IGFLR1: variants seen among roughly 807,000 people sequenced by gnomAD.
The protein encoded by IGFLR1 is IGF-like family receptor 1.
IGFLR1 carries 17 observed loss-of-function variants against 23.4 expected under a neutral mutation model. The observed-to-expected ratio is 0.73, with a 90% confidence interval of 0.50 to 1.09. The LOEUF (loss-of-function observed/expected upper bound fraction) is 1.09. Among genes scored for constraint, IGFLR1 ranks in the 50% least tolerant of loss-of-function variants. The pLI, the probability that IGFLR1 is intolerant of heterozygous loss-of-function variation, is 0.00. For synonymous variants in IGFLR1, 265 were observed against 210.7 expected (o/e 1.26, Z -2.23); for missense variants, 556 against 459.2 (o/e 1.21, Z -1.93).
intron 1 of IGFLR1, among the ~76,000 whole-genome samples, chr19:35,741,761 G>A (rs937145760): frequency 8.6e-5 from 13 of 150,682 alleles, no homozygotes; most frequent in African/African-American, 2.9e-4. Context: ...AGGATTGCTT[G>A]AGCCATGAAT....
chr19:35,740,330 G>A (rs1413346768), intron 3 of IGFLR1, 50 bp downstream of exon 3: 1 of 1,495,178 alleles, frequency 6.7e-7, no homozygotes, highest in Admixed American at 2.3e-5. Context: ...CCTACATCTA[G>A]GCCCCCCACC....
At chr19:35,740,349 G>A (rs1970140832) in intron 3 of IGFLR1, 31 bp downstream of exon 3, 2 of 1,528,554 alleles carry the variant, frequency 1.3e-6, no homozygotes. Flanking sequence ...CCTCCAGCAC[G>A]CCCTTGCCCT....
chr19:35,739,995 C>A lies in IGFLR1; in HGVS notation c.436G>T (p.Ala146Ser). 3 of 1,614,100 alleles carry A rather than the reference C, an allele frequency of 1.9e-6. No individual in the cohort carries two copies. The highest frequency in any genetic ancestry group is 2.5e-6 in the Non-Finnish European group (3 of 1,180,002). ...GGGACAGGCTCAGGGGTCCTCCAGGCAATGGAACTTGCTGGTGAGCTGCGC... is the reference window on the plus strand; with the variant it reads ...GGGACAGGCTCAGGGGTCCTCCAGGAAATGGAACTTGCTGGTGAGCTGCGC... Reference protein sequence around the residue: ...QERSSPASSIAWRTPEPVPQQ... With the variant: ...QERSSPASSISWRTPEPVPQQ... Residue 146 changes from alanine to serine, a missense_variant, in exon 4 of 5, where the codon GCC (alanine) becomes TCC (serine). By Grantham distance (99) the Ala-to-Ser change is moderately conservative. Transcript: ENST00000246532.
At chr19:35,741,538 G>A (rs560164660) in intron 1 of IGFLR1, 3 of 266,888 alleles carry the variant, frequency 1.1e-5, no homozygotes, top group African/African-American at 2.3e-5. Flanking sequence ...TAAAGCAGGG[G>A]CTGGGTGTGG....
At position 35,740,539 on chromosome 19, in the gene IGFLR1, T is replaced by C. The variant is rs763692016; in HGVS notation, c.183A>G (p.Gly61=). ...CPDYEFRENC[G]LNDHGDFVTP... is the part of the protein sequence containing the mutation. ...TTACGAAATCGCCGTGGTCATTGAG[T>C]CCGCAGTTTTCCCGGAACTCATAGT... The change falls in exon 3 of 5, where the codon GGA becomes GGG. Residue 61 remains glycine, a synonymous_variant. Transcript: ENST00000246532. 4 of 1,609,166 alleles carry C rather than the reference T, an allele frequency of 2.5e-6. No individual in the cohort carries two copies. Among genetic ancestry groups the C allele is most frequent in the Non-Finnish European group, 2.5e-6 (3 of 1,178,240 alleles).
rs375048088 is a variant in IGFLR1, at chr19:35,739,568, C to G, written c.780G>C (p.Leu260=). Residue 260 remains leucine, a synonymous_variant, in exon 5 of 5, where the codon CTG becomes CTC. Transcript: ENST00000246532. ...GGTCCAGCAGTACAATCAGCTCTTC[C>G]AGCACCTCCAGCTCATCCAGGAGGC... is the stretch of plus-strand genomic sequence containing the variant. ...LSRLLDELEV[L]EELIVLLDPE... 11 of 1,614,006 alleles carry G rather than the reference C, an allele frequency of 6.8e-6. 1 individual carries two copies. The Middle Eastern group carries it at 5.0e-4, about 73-fold the overall frequency.
In IGFLR1 at chr19:35,742,384, C is replaced by A; in HGVS notation, c.-44+12G>T. 1 of 1,524,278 alleles carries A rather than the reference C, an allele frequency of 6.6e-7. No individual in the cohort carries two copies. The allele number at this position is 1,524,278 out of a possible 1,614,324, so 94.4% of individuals were successfully genotyped here. On this transcript the variant is annotated intron_variant, in intron 1 of 4. Coordinates refer to ENST00000246532, the MANE Select transcript of IGFLR1 (RefSeq NM_024660.4). ...GGTTTTCAGCACAAAGGTGTCCCCA[C>A]CCTACCAGTACCGTTAGGGTCCTGG...
rs776485764 is a variant in IGFLR1 at position 35,739,883 on chromosome 19, A to G, written c.548T>C (p.Leu183Pro). 5 of 1,614,162 alleles carry G rather than the reference A, an allele frequency of 3.1e-6. No homozygotes were observed. In the South Asian group the frequency reaches 4.4e-5, roughly 14 times the overall value. ...LAVIAILLFILLWHLCWPKEK... is the reference protein window; with the variant it reads ...LAVIAILLFIPLWHLCWPKEK... ...CTTGGGCCAGCAGAGATGCCAGAGC[A>G]GAATAAACAGGAGGATCGCTATCAC... Residue 183 changes from leucine (L) to proline (P), a missense_variant, in exon 4 of 5, where the codon CTG (leucine) becomes CCG (proline). By Grantham distance (98) the Leu-to-Pro change is moderately conservative. Transcript: ENST00000246532.
chr19:35,739,146 G>T lies in IGFLR1; in HGVS notation c.*134C>A. 1.1e-6 allele frequency: 1 copy of T among 892,958 alleles called. No homozygotes were observed. The highest frequency in any genetic ancestry group is 1.7e-6 in the Non-Finnish European group (1 of 596,570). The allele number at this position is 892,958 out of a possible 1,614,324, so 55.3% of individuals were successfully genotyped here. ...CACATGTGGCCCTGTGTGTATGTTG[G>T]AATAGGCCCTTCTAGGGCGAAGAGC... On this transcript the variant is annotated 3_prime_UTR_variant, in exon 5 of 5. Transcript: ENST00000246532.
rs374054566 is a variant in IGFLR1 at position 35,740,542 on chromosome 19, G to A, written c.180C>T (p.Cys60=). ...CGAAATCGCCGTGGTCATTGAGTCC[G>A]CAGTTTTCCCGGAACTCATAGTCTA... ...PCPDYEFREN[C]GLNDHGDFVT... Residue 60 remains cysteine (C), a synonymous_variant, in exon 3 of 5, where the codon TGC becomes TGT. Transcript: ENST00000246532. The A allele has an allele frequency of 3.7e-6, 6 of 1,608,714 alleles. No homozygotes were observed. The African/African-American group carries it at 6.7e-5, about 18-fold the overall frequency.
Position 35,739,123 on chromosome 19 carries a change from C to T in IGFLR1, c.*157G>A, listed in dbSNP as rs372684410. The T allele has an allele frequency of 2.3e-4, 166 of 736,462 alleles. 2 individuals are homozygous for T. In the East Asian group the frequency reaches 4.0e-3, roughly 18 times the overall value. The allele number at this position is 736,462 out of a possible 1,614,324, so 45.6% of individuals were successfully genotyped here. A position where few individuals can be genotyped will look rare whatever the true frequency, so the allele number is the denominator to read the frequency against. On this transcript the variant is annotated 3_prime_UTR_variant, in exon 5 of 5. Coordinates refer to ENST00000246532, the MANE Select transcript of IGFLR1 (RefSeq NM_024660.4). ...GAGGCACCTGGGGTCAGCCCTCCCA[C>T]ATGTGGCCCTGTGTGTATGTTGGAA...
intron 2 of IGFLR1, 47 bp from the exon 3 acceptor site, chr19:35,740,611 C>T: frequency 3.9e-6 from 6 of 1,528,062 alleles, no homozygotes; most frequent in East Asian, 2.3e-5. Context: ...CCCGCCCCTG[C>T]GCGGGCAACG....
chr19:35,742,365 C>A, intron 1 of IGFLR1, 31 bp downstream of exon 1: 1 of 1,492,442 alleles, frequency 6.7e-7, no homozygotes, highest in South Asian at 1.2e-5. Flanking sequence ...CTAAGGTTTT[C>A]AGCACAAAGG....
chr19:35,740,133 C>A, intron 3 of IGFLR1, 45 bp from the exon 4 acceptor site: 1 of 1,545,738 alleles, frequency 6.5e-7, no homozygotes, highest in East Asian at 2.3e-5. Context: ...ACACTCCACT[C>A]CTGCCCGCTC....
Position 35,741,181 on chromosome 19 carries a change from C to G in IGFLR1, c.-1G>C. The G allele has an allele frequency of 2.5e-6, 4 of 1,610,448 alleles. No homozygotes were observed. The highest frequency in any genetic ancestry group is 1.7e-5 in the Admixed American group (1 of 59,572). On this transcript the variant is annotated 5_prime_UTR_variant, in exon 2 of 5. Coordinates refer to ENST00000246532, the MANE Select transcript of IGFLR1 (RefSeq NM_024660.4). ...TCAGGAGGCATCGTCCAGGCCCCAT[C>G]TGGGGGGCCGTGATAGCGGGACTTC... is the stretch of plus-strand genomic sequence containing the variant.
In IGFLR1 at chr19:35,739,821, A is replaced by C. The variant is rs1034921010; in HGVS notation, c.610T>G (p.Cys204Gly). The change falls in exon 4 of 5, where the codon TGC becomes GGC. Residue 204 changes from cysteine (C) to glycine (G), a missense_variant. Cys to Gly is a radical substitution (Grantham distance 159). Coordinates refer to ENST00000246532, the MANE Select transcript of IGFLR1 (RefSeq NM_024660.4). ...ADPYPYPGLV[C>G]GVPNTHTPSS... Reference sequence around the variant, plus strand: ...GGGGTGTGGGTGTTGGGGACTCCGCAGACCAAGCCAGGATAGGGATAGGGG... The same window carrying C: ...GGGGTGTGGGTGTTGGGGACTCCGCCGACCAAGCCAGGATAGGGATAGGGG... The C allele has an allele frequency of 3.1e-6, 5 of 1,603,670 alleles. No homozygotes were observed. In the African/African-American group the frequency reaches 6.7e-5, roughly 21 times the overall value.
chr19:35,741,335 C>A (rs1720461664), intron 1 of IGFLR1, 112 bp from the exon 2 acceptor site: 5 of 1,114,226 alleles, frequency 4.5e-6, no homozygotes, highest in Non-Finnish European at 3.9e-6. Context: ...CATCCCCCAA[C>A]TGAGCCGGTT....
chr19:35,741,657 C>CAAAAAAAAAAAAAA (rs35356311), intron 1 of IGFLR1: 2 of 86,062 alleles, frequency 2.3e-5, no homozygotes, highest in African/African-American at 5.2e-5. Flanking sequence ...CCCATCTTTA[C>CAAAAAAAAAAAAAA]AAAAAAAAAA....
Position 35,739,418 on chromosome 19 carries a change from C to A in IGFLR1, c.930G>T (p.Arg310=), listed in dbSNP as rs1298441739. The part of the protein sequence containing the change: ...YSLRPSRSPL[R]ALIEMVVARE... ...TTGCCACCACCATCTCAATCAGAGC[C>A]CGCAGCGGCGAGCGACTCGGCCTCA... Residue 310 remains arginine (R), a synonymous_variant, in exon 5 of 5, where the codon CGG becomes CGT. Coordinates refer to ENST00000246532, the MANE Select transcript of IGFLR1 (RefSeq NM_024660.4). The A allele has an allele frequency of 6.2e-7, 1 of 1,613,846 alleles. No homozygotes were observed. The highest frequency in any genetic ancestry group is 1.1e-5 in the South Asian group (1 of 91,076).
Sources: gnomAD v4.1 joint callset for allele counts (sites outside exome capture counted in the v4.1 genomes callset) on GRCh38, gnomAD v4.1.1 for gene constraint, MANE v1.5 for transcripts, NCBI Gene and HGNC (gene_info 2026-07-23, HGNC 2026-07-21) for gene names.